The following GDPGP1 variants were observed in gnomAD, a reference collection of about 807,000 sequenced individuals.
GDPGP1 encodes GDP-D-glucose phosphorylase 1, also known as GDP-D-glucose phosphorylase C15orf58.
A neutral mutation model predicts 19.2 loss-of-function variants in GDPGP1; 18 were observed. The ratio of observed to expected loss-of-function variants is 0.94; its 90% CI spans 0.65 to 1.39. The LOEUF (loss-of-function observed/expected upper bound fraction) is 1.39. GDPGP1 is among the 40% of genes most tolerant of loss of function. The pLI is 0.00. For synonymous variants in GDPGP1, 219 were observed against 208.9 expected, an observed-to-expected ratio of 1.05 and a Z score of -0.42; for missense variants, 449 against 490.5, an observed-to-expected ratio of 0.92 and a Z score of 0.80.
intron 3 of GDPGP1, among the ~76,000 whole-genome samples, chr15:90,240,107 C>CTAT (rs1412683407): frequency 1.3e-5 from 2 of 152,024 alleles, no homozygotes; most frequent in African/African-American, 2.4e-5. Context: ...CCTATAATCC[C>CTAT]AGCTACTTGG....
rs962561249 is a variant in GDPGP1 at position 90,245,737 on chromosome 15, G to A, written c.*3671G>A. 1.3e-5 allele frequency: 2 copies of A among 152,178 alleles called. No individual in the cohort carries two copies. The highest frequency in any genetic ancestry group is 2.4e-5 in the African/African-American group (1 of 41,448). The allele number at this position is 152,178 out of a possible 1,614,324, so 9.4% of individuals were successfully genotyped here. On this transcript the variant is annotated 3_prime_UTR_variant, in exon 4 of 4. Transcript: ENST00000329600. ...TTCTCCGTAGGACTGATGTTTAGAG[G>A]AAAGCCTTCCCTGACTCAAATATGT...
intron 2 of GDPGP1, among the ~76,000 whole-genome samples, chr15:90,235,557 C>T (rs1299316890): frequency 1.3e-5 from 2 of 151,922 alleles, no homozygotes; most frequent in African/African-American, 4.8e-5. Context: ...TAGGCCCATC[C>T]CAACCTGATC....
chr15:90,243,137 A>G lies in GDPGP1; in HGVS notation c.*1071A>G, dbSNP rs374496358. The G allele has an allele frequency of 6.6e-6, 1 of 152,152 alleles. No homozygotes were observed. Among genetic ancestry groups the G allele is most frequent in the Admixed American group, 6.6e-5 (1 of 15,256 alleles). The allele number at this position is 152,152 out of a possible 1,614,324, so 9.4% of individuals were successfully genotyped here. A position where few individuals can be genotyped will look rare whatever the true frequency, so the allele number is the denominator to read the frequency against. ...CGGTAATAGTGCCTGTGCCTCCAGT[A>G]TTGAGCTGCCACTTCTGTTCTCAGC... On this transcript the variant is annotated 3_prime_UTR_variant, in exon 4 of 4. Coordinates refer to ENST00000329600, the MANE Select transcript of GDPGP1 (RefSeq NM_001013657.3).
intron 2 of GDPGP1, among the ~76,000 whole-genome samples, chr15:90,235,526 TA>T (rs938077807): frequency 2.0e-5 from 3 of 150,712 alleles, no homozygotes; most frequent in East Asian, 1.9e-4. Flanking sequence ...AAAATAAAAA[TA>T]AAAAAAAATA....
intron 3 of GDPGP1, among the ~76,000 whole-genome samples, chr15:90,239,907 A>G (rs1355374643): frequency 6.6e-6 from 1 of 152,194 alleles, no homozygotes; most frequent in Non-Finnish European, 1.5e-5. Flanking sequence ...CCTGGGTGAC[A>G]GAGTGAGAAC....
intron 2 of GDPGP1, among the ~76,000 whole-genome samples, chr15:90,237,746 A>G (rs77908380): frequency 0.024 from 3,676 of 150,442 alleles, 144 homozygotes; most frequent in African/African-American, 0.081. Context: ...TTATTATCTC[A>G]TTTTAAATTT....
chr15:90,242,172 C>A lies in GDPGP1; in HGVS notation c.*106C>A. ...GTATGATCCTGGCTCACTGTAGCCT[C>A]CACCTCTGGGGCTGAAGTGATCCTC... On this transcript the variant is annotated 3_prime_UTR_variant, in exon 4 of 4. Transcript: ENST00000329600. 3 of 938,258 alleles carry A rather than the reference C, an allele frequency of 3.2e-6. No homozygotes were observed. Among genetic ancestry groups the A allele is most frequent in the Non-Finnish European group, 4.7e-6 (3 of 642,678 alleles). 58.1% of individuals were successfully genotyped at this position (938,258 alleles called of 1,614,324 possible). A position where few individuals can be genotyped will look rare whatever the true frequency, so the allele number is the denominator to read the frequency against.
chr15:90,239,708 C>T (rs565003317), intron 3 of GDPGP1, among the ~76,000 whole-genome samples: 2 of 152,190 alleles, frequency 1.3e-5, no homozygotes, highest in Non-Finnish European at 2.9e-5. Flanking sequence ...CCATATCTAT[C>T]TATCTATCTA....
intron 3 of GDPGP1, among the ~76,000 whole-genome samples, chr15:90,240,377 G>A (rs1301155987): frequency 4.9e-5 from 7 of 142,978 alleles, no homozygotes; most frequent in South Asian, 2.2e-4. Context: ...GCCTGGTGGC[G>A]GGTGCCTGTA....
At chr15:90,237,133 G>C (rs1367961330) in intron 2 of GDPGP1, among the ~76,000 whole-genome samples, 1 of 150,670 alleles carries the variant, frequency 6.6e-6, no homozygotes, top group African/African-American at 2.4e-5. Flanking sequence ...TAATTTTTTT[G>C]TATTTTTAGT....
At position 90,240,928 on chromosome 15, in the gene GDPGP1, C is replaced by T. The variant is rs148619823; in HGVS notation, c.20C>T (p.Ser7Leu). The T allele has an allele frequency of 1.9e-6, 3 of 1,613,460 alleles. No individual in the cohort carries two copies. The African/African-American group carries it at 4.0e-5, about 22-fold the overall frequency. The change falls in exon 4 of 4, where the codon TCA becomes TTA. Residue 7 changes from serine to leucine, a missense_variant. Transcript: ENST00000329600. ...AGCTCTATGGCTCTTCCACATGATTCAAACGAAACTTCCTATTTGCTGCCT... is the reference window on the plus strand; with the variant it reads ...AGCTCTATGGCTCTTCCACATGATTTAAACGAAACTTCCTATTTGCTGCCT... MALPHDSNETSYLLPPN... is the reference protein window; with the variant it reads MALPHDLNETSYLLPPN...
Position 90,241,525 on chromosome 15 carries a change from A to G in GDPGP1, c.617A>G (p.Asn206Ser). ...CACCCGGGCTTCCGTGTCGGCTTCA[A>G]CAGCCTGGGAGGCTTGGCCTCGGTG... ...SLHPGFRVGF[N>S]SLGGLASVNH... Residue 206 changes from asparagine to serine, a missense_variant, in exon 4 of 4, where the codon AAC (asparagine) becomes AGC (serine). By Grantham distance (46) the Asn-to-Ser change is conservative. Transcript: ENST00000329600. The G allele has an allele frequency of 2.5e-6, 4 of 1,613,684 alleles. No individual in the cohort carries two copies. Among genetic ancestry groups the G allele is most frequent in the Non-Finnish European group, 3.4e-6 (4 of 1,180,036 alleles).
Position 90,241,984 on chromosome 15 carries a change from T to C in GDPGP1, c.1076T>C (p.Ile359Thr), listed in dbSNP as rs1962773386. The C allele has an allele frequency of 6.2e-7, 1 of 1,614,180 alleles. No individual in the cohort carries two copies. Among genetic ancestry groups the C allele is most frequent in the African/African-American group, 1.3e-5 (1 of 75,042 alleles). ...SLTEAAAVAL[I>T]QDCRLPPSQA... ...ACAGAGGCAGCTGCTGTGGCCCTCA[T>C]TCAGGACTGTCGGCTGCCCCCATCC... The change falls in exon 4 of 4, where the codon ATT (isoleucine) becomes ACT (threonine). Residue 359 changes from isoleucine (I) to threonine (T), a missense_variant. By Grantham distance (89) the Ile-to-Thr change is moderately conservative. Transcript: ENST00000329600.
intron 3 of GDPGP1, among the ~76,000 whole-genome samples, chr15:90,239,554 T>A (rs1268215575): frequency 6.6e-6 from 1 of 152,046 alleles, no homozygotes; most frequent in Non-Finnish European, 1.5e-5. Context: ...TATAAAACCA[T>A]CAGATCTCAG....
intron 3 of GDPGP1, 84 bp from the exon 4 acceptor site, chr15:90,240,816 A>G: frequency 4.3e-6 from 4 of 922,846 alleles, no homozygotes; most frequent in Non-Finnish European, 6.4e-6. Flanking sequence ...TCCATCTCAA[A>G]AAAAAAAATA....
chr15:90,241,473 G>A lies in GDPGP1; in HGVS notation c.565G>A (p.Gly189Arg). Reference protein sequence around the residue: ...QRLLPGALRAGIEAVLLSLHP... With the variant: ...QRLLPGALRARIEAVLLSLHP... ...CCTGCTGCCGGGTGCACTGAGGGCA[G>A]GGATTGAGGCTGTGCTGCTGAGCTT... Residue 189 changes from glycine (G) to arginine (R), a missense_variant, in exon 4 of 4, where the codon GGG becomes AGG. Physicochemically the swap from Gly to Arg is moderately radical, Grantham distance 125. Coordinates refer to ENST00000329600, the MANE Select transcript of GDPGP1 (RefSeq NM_001013657.3). 1 of 1,613,786 alleles carries A rather than the reference G, an allele frequency of 6.2e-7. No individual in the cohort carries two copies. Among genetic ancestry groups the A allele is most frequent in the East Asian group, 2.2e-5 (1 of 44,892 alleles).
chr15:90,242,857 A>T lies in GDPGP1; in HGVS notation c.*791A>T, dbSNP rs951497931. 6.6e-6 allele frequency: 1 copy of T among 152,248 alleles called. No individual in the cohort carries two copies. Among genetic ancestry groups the T allele is most frequent in the Admixed American group, 6.5e-5 (1 of 15,274 alleles). 9.4% of individuals were successfully genotyped at this position (152,248 alleles called of 1,614,324 possible). The stretch of plus-strand genomic sequence containing the variant: ...TTCTCACCTGTCTCAGCCTAAGAAG[A>T]AGGATGAAGAAAGCTGATAATGATC... On this transcript the variant is annotated 3_prime_UTR_variant, in exon 4 of 4. Coordinates refer to ENST00000329600, the MANE Select transcript of GDPGP1 (RefSeq NM_001013657.3).
chr15:90,235,086 A>C (rs1382839660), intron 2 of GDPGP1, among the ~76,000 whole-genome samples: 2 of 152,102 alleles, frequency 1.3e-5, no homozygotes, highest in African/African-American at 4.8e-5. Flanking sequence ...ACTTCCTCCT[A>C]TTGGCTCTCT....
rs913150118 is a variant in GDPGP1, at chr15:90,244,843, T to C, written c.*2777T>C. On this transcript the variant is annotated 3_prime_UTR_variant, in exon 4 of 4. Coordinates refer to ENST00000329600, the MANE Select transcript of GDPGP1 (RefSeq NM_001013657.3). ...CAAAATAAATAAATACATAAAGTCTTGGGTCCAGCTCTCAACAGAGATTAT... is the reference window on the plus strand; with the variant it reads ...CAAAATAAATAAATACATAAAGTCTCGGGTCCAGCTCTCAACAGAGATTAT... 1.3e-5 allele frequency: 2 copies of C among 152,074 alleles called. No individual in the cohort carries two copies. The highest frequency in any genetic ancestry group is 6.6e-5 in the Admixed American group (1 of 15,254). 9.4% of individuals were successfully genotyped at this position (152,074 alleles called of 1,614,324 possible). A position where few individuals can be genotyped will look rare whatever the true frequency, so the allele number is the denominator to read the frequency against.
Sources: allele counts gnomAD v4.1 joint callset (sites outside exome capture counted in the v4.1 genomes callset), GRCh38; gene constraint gnomAD v4.1.1; transcripts MANE v1.5; gene names NCBI Gene and HGNC (gene_info 2026-07-23, HGNC 2026-07-21).